SLC16A3: variants seen among roughly 807,000 people sequenced by gnomAD.
SLC16A3 encodes the protein monocarboxylate transporter 4.
SLC16A3 carries 22 observed loss-of-function variants against 25.0 expected under a neutral mutation model. The observed-to-expected ratio is 0.88, with a 90% CI of 0.63 to 1.26. The LOEUF (loss-of-function observed/expected upper bound fraction) is 1.26, where lower values mean the gene tolerates loss of function less well. Among genes scored for constraint, SLC16A3 ranks in the 50% most tolerant of loss-of-function variants. The pLI, the probability that SLC16A3 is intolerant of heterozygous loss-of-function variation, is 0.00. For missense variants in SLC16A3, 731 were observed against 666.6 expected, an observed-to-expected ratio of 1.10 and a Z score of -1.06; for synonymous variants, 390 against 309.2, an observed-to-expected ratio of 1.26 and a Z score of -2.74.
At position 82,236,190 on chromosome 17, in the gene SLC16A3, C is replaced by T; in HGVS notation, c.182C>T (p.Ala61Val). ...TTTGGGATCGGCTACAGCGACACAGCCTGGATCTCCTCCATCCTGCTGGCC... is the reference window on the plus strand; with the variant it reads ...TTTGGGATCGGCTACAGCGACACAGTCTGGATCTCCTCCATCCTGCTGGCC... ...QEFGIGYSDT[A>V]WISSILLAML... The change falls in exon 2 of 5, where the codon GCC (alanine) becomes GTC (valine). Residue 61 changes from alanine (A) to valine (V), a missense_variant. Physicochemically the swap from Ala to Val is moderately conservative, Grantham distance 64. Coordinates refer to ENST00000582743, the MANE Select transcript of SLC16A3 (RefSeq NM_004207.4). 3 of 1,613,036 alleles carry T rather than the reference C, an allele frequency of 1.9e-6. No individual in the cohort carries two copies. The highest frequency in any genetic ancestry group is 1.7e-6 in the Non-Finnish European group (2 of 1,179,950).
At chr17:82,235,703 G>C in intron 1 of SLC16A3, 1 of 484,564 alleles carries the variant, frequency 2.1e-6, no homozygotes, top group South Asian at 2.3e-5. Context: ...TGTCCCAGGA[G>C]GTAATCTGAG....
upstream of SLC16A3, among the ~76,000 whole-genome samples, chr17:82,226,967 C>T (rs902889960): frequency 4.6e-5 from 7 of 151,586 alleles, no homozygotes; most frequent in African/African-American, 1.2e-4. Flanking sequence ...GTCTTCCAGT[C>T]CCCCCAGTCA....
chr17:82,221,730 G>A (rs1042650654), intron 1 of SLC16A3, among the ~76,000 whole-genome samples: 3 of 152,064 alleles, frequency 2.0e-5, no homozygotes, highest in Admixed American at 6.5e-5. Context: ...TCACACCCAC[G>A]AGCACGGCTT....
chr17:82,226,084 G>A (rs1354923097), upstream of SLC16A3, among the ~76,000 whole-genome samples: 3 of 152,062 alleles, frequency 2.0e-5, no homozygotes, highest in South Asian at 2.1e-4. Flanking sequence ...AGGGAGCAGG[G>A]TGGGAAGGAC....
rs1343787055 is a variant in SLC16A3, at chr17:82,239,033, C to A, written c.*57C>A. 5 of 1,469,144 alleles carry A rather than the reference C, an allele frequency of 3.4e-6. No homozygotes were observed. Among genetic ancestry groups the A allele is most frequent in the East Asian group, 2.4e-5 (1 of 42,422 alleles). The allele number at this position is 1,469,144 out of a possible 1,614,324, so 91.0% of individuals were successfully genotyped here. A position where few individuals can be genotyped will look rare whatever the true frequency, so the allele number is the denominator to read the frequency against. On this transcript the variant is annotated 3_prime_UTR_variant, in exon 5 of 5. Coordinates refer to ENST00000582743, the MANE Select transcript of SLC16A3 (RefSeq NM_004207.4). ...GAGGTACAGAAGCCGGCAACGCTTG[C>A]TATTTATTTTACAAACTGGACTGGC...
At chr17:82,225,786 G>C (rs1034559445), upstream of SLC16A3, among the ~76,000 whole-genome samples, 1 of 152,168 alleles carries the variant, frequency 6.6e-6, no homozygotes, top group Non-Finnish European at 1.5e-5. Flanking sequence ...CGCAGGATGT[G>C]GGCTGTGTGG....
At chr17:82,225,237 G>A (rs956665266), upstream of SLC16A3, among the ~76,000 whole-genome samples, 11 of 152,106 alleles carry the variant, frequency 7.2e-5, no homozygotes, top group Non-Finnish European at 1.2e-4. Context: ...ACTCCAGCCC[G>A]GTGACAGAGT....
Position 82,237,220 on chromosome 17 carries a change from G to T in SLC16A3, c.450G>T (p.Gly150=). Residue 150 remains glycine (G), a synonymous_variant, in exon 4 of 5, where the codon GGG becomes GGT. Coordinates refer to ENST00000582743, the MANE Select transcript of SLC16A3 (RefSeq NM_004207.4). Reference sequence around the variant, plus strand: ...GCAAGCGGCGCCCCATGGCCAACGGGCTGGCGGCAGCAGGTAGCCCTGTCT... The same window carrying T: ...GCAAGCGGCGCCCCATGGCCAACGGTCTGGCGGCAGCAGGTAGCCCTGTCT... The part of the protein sequence containing the change: ...YFSKRRPMAN[G]LAAAGSPVFL... 6.5e-7 allele frequency: 1 copy of T among 1,548,752 alleles called. No homozygotes were observed. Among genetic ancestry groups the T allele is most frequent in the South Asian group, 1.2e-5 (1 of 83,438 alleles).
chr17:82,236,233 T>G lies in SLC16A3; in HGVS notation c.223+2T>G. On this transcript the variant is annotated splice_donor_variant, in intron 2 of 4. Coordinates refer to ENST00000582743, the MANE Select transcript of SLC16A3 (RefSeq NM_004207.4). LOFTEE classifies it high-confidence loss of function. The stretch of plus-strand genomic sequence containing the variant: ...TGCTGGCCATGCTCTACGGGACAGG[T>G]GAGGGTGGCCTCACACCGGGCCCCC... The G allele has an allele frequency of 6.2e-7, 1 of 1,612,188 alleles. No homozygotes were observed. Among genetic ancestry groups the G allele is most frequent in the Non-Finnish European group, 8.5e-7 (1 of 1,179,470 alleles).
At position 82,236,720 on chromosome 17, in the gene SLC16A3, C is replaced by A. The variant is rs373340087; in HGVS notation, c.224-9C>A. On this transcript the variant is annotated splice_polypyrimidine_tract_variant and intron_variant, in intron 2 of 4. Transcript: ENST00000582743. ...AGGCCCGGCCCCTCTCAGCTGCTGC[C>A]CTCTCCAGGTCCGCTCTGCAGTGTG... 1.2e-6 allele frequency: 2 copies of A among 1,603,180 alleles called. No homozygotes were observed. Among genetic ancestry groups the A allele is most frequent in the South Asian group, 2.2e-5 (2 of 90,986 alleles).
upstream of SLC16A3, among the ~76,000 whole-genome samples, chr17:82,227,575 CA>C: frequency 7.0e-6 from 1 of 143,152 alleles, no homozygotes; most frequent in African/African-American, 2.5e-5. Flanking sequence ...AAGATGGGAG[CA>C]CCACCTGCCC....
upstream of SLC16A3, chr17:82,228,913 G>C (rs1384504710): frequency 6.7e-6 from 1 of 149,824 alleles, no homozygotes; most frequent in East Asian, 2.0e-4. Context: ...TGCGGCCCGG[G>C]AGCCCGTCCG....
At chr17:82,224,692 C>G (rs1364517083), upstream of SLC16A3, among the ~76,000 whole-genome samples, 1 of 149,588 alleles carries the variant, frequency 6.7e-6, no homozygotes, top group Non-Finnish European at 1.5e-5. Flanking sequence ...ACCCCTACAC[C>G]CGTGCACAGA....
In SLC16A3 at chr17:82,236,781, T is replaced by C; in HGVS notation, c.276T>C (p.Leu92=). The C allele has an allele frequency of 1.2e-6, 2 of 1,609,024 alleles. No individual in the cohort carries two copies. Among genetic ancestry groups the C allele is most frequent in the Non-Finnish European group, 1.7e-6 (2 of 1,179,826 alleles). The change falls in exon 3 of 5, where the codon CTT becomes CTC. Residue 92 remains leucine (L), a synonymous_variant. Transcript: ENST00000582743. ...GCTTTGGCTGCCGGCCCGTCATGCT[T>C]GTGGGGGGTCTCTTTGCGTCGCTGG... The part of the protein sequence containing the change: ...VNRFGCRPVM[L]VGGLFASLGM...
chr17:82,222,893 C>G (rs374977958), intron 1 of SLC16A3, among the ~76,000 whole-genome samples: 1 of 151,974 alleles, frequency 6.6e-6, no homozygotes. Flanking sequence ...AGTAAACACG[C>G]TGGTCACAAA....
At chr17:82,221,305 A>G (rs1054261995) in intron 1 of SLC16A3, among the ~76,000 whole-genome samples, 5 of 152,156 alleles carry the variant, frequency 3.3e-5, no homozygotes, top group African/African-American at 1.2e-4. Context: ...CACACCTGTA[A>G]TCCCAGCATT....
chr17:82,236,342 C>A, intron 2 of SLC16A3, 111 bp downstream of exon 2: 1 of 1,026,286 alleles, frequency 9.7e-7, no homozygotes. Context: ...CCCAGGGAAC[C>A]CTGGAGGGAA....
rs2050698454 is a variant in SLC16A3 at position 82,239,115 on chromosome 17, AGT to A, written c.*142_*143del. The A allele has an allele frequency of 2.5e-6, 2 of 805,848 alleles. No individual in the cohort carries two copies. Among genetic ancestry groups the A allele is most frequent in the African/African-American group, 3.5e-5 (2 of 57,550 alleles). The allele number at this position is 805,848 out of a possible 1,614,324, so 49.9% of individuals were successfully genotyped here. On this transcript the variant is annotated 3_prime_UTR_variant, in exon 5 of 5. Coordinates refer to ENST00000582743, the MANE Select transcript of SLC16A3 (RefSeq NM_004207.4). ...CGGCCCAGCGGATCGTCGCCCGATC[AGT>A]GTTTTGAGGGGGAAGGTGGCGGGGT...
upstream of SLC16A3, among the ~76,000 whole-genome samples, chr17:82,225,198 G>A (rs1422372667): frequency 6.6e-6 from 1 of 152,134 alleles, no homozygotes; most frequent in East Asian, 1.9e-4. Context: ...GGAGGCAGAG[G>A]TTGTGGTGAC....
Sources: gnomAD v4.1 joint callset for allele counts (sites outside exome capture counted in the v4.1 genomes callset) on GRCh38, gnomAD v4.1.1 for gene constraint, MANE v1.5 for transcripts, NCBI Gene and HGNC (gene_info 2026-07-23, HGNC 2026-07-21) for gene names.